Variants in MAD1L1 observed in about 807,000 individuals in gnomAD.
MAD1L1 encodes the protein mitotic arrest deficient 1 like 1.
MAD1L1 carries 95 observed loss-of-function variants against 96.9 expected under a neutral mutation model. The observed-to-expected ratio is 0.98, with a 90% CI of 0.83 to 1.16. The LOEUF (loss-of-function observed/expected upper bound fraction) is 1.16. Among genes scored for constraint, MAD1L1 ranks in the 50% most tolerant of loss-of-function variants. MAD1L1 has a pLI of 0.00. For missense variants in MAD1L1, 1,007 were observed against 954.4 expected, an observed-to-expected ratio of 1.06 and a Z score of -0.73; for synonymous variants, 473 against 396.6, an observed-to-expected ratio of 1.19 and a Z score of -2.29.
chr7:1,982,110 CCCA>C (rs1239226309), intron 14 of MAD1L1, among the ~76,000 whole-genome samples: 1 of 152,120 alleles, frequency 6.6e-6, no homozygotes, highest in East Asian at 1.9e-4. Flanking sequence ...TGTTCTTCCT[CCCA>C]CCACACTTCA....
At chr7:1,913,629 C>T (rs1788163055) in intron 17 of MAD1L1, among the ~76,000 whole-genome samples, 2 of 151,946 alleles carry the variant, frequency 1.3e-5, no homozygotes, top group East Asian at 1.9e-4. Flanking sequence ...GGGGAGCCCT[C>T]GGCTGACACC....
intron 10 of MAD1L1, among the ~76,000 whole-genome samples, chr7:2,208,920 C>A (rs1040922398): frequency 6.6e-6 from 1 of 152,144 alleles, no homozygotes; most frequent in Non-Finnish European, 1.5e-5. Context: ...TCCAGACACA[C>A]GCCTCGCACT....
At chr7:1,942,262 T>G (rs1166332945) in intron 16 of MAD1L1, among the ~76,000 whole-genome samples, 1 of 151,946 alleles carries the variant, frequency 6.6e-6, no homozygotes, top group African/African-American at 2.4e-5. Flanking sequence ...GAGGGGACAT[T>G]CCCGGCCCCT....
At chr7:2,132,475 G>A (rs903942293) in intron 11 of MAD1L1, among the ~76,000 whole-genome samples, 4 of 139,002 alleles carry the variant, frequency 2.9e-5, no homozygotes, top group African/African-American at 5.1e-5. Flanking sequence ...CCACTGCTGC[G>A]TGCGACTGCG....
rs144559750 is a variant in MAD1L1, at chr7:2,003,393, G to C, written c.1360-1272C>G. Among the ~76,000 whole-genome samples the C allele has an allele frequency of 2.7e-4, 41 of 152,198 alleles. No individual in the cohort carries two copies. The East Asian group carries it at 7.9e-3, about 29-fold the overall frequency. On this transcript the variant is annotated intron_variant, in intron 13 of 18. Coordinates refer to ENST00000265854, the MANE Select transcript of MAD1L1 (RefSeq NM_001013836.2). ...CTACAGCCCCTGGGGACACAGCCTG[G>C]GGAAAGTGGCTGAGGCAACAGCCCA...
intron 10 of MAD1L1, among the ~76,000 whole-genome samples, chr7:2,159,831 A>G (rs762415510): frequency 7.9e-5 from 12 of 152,230 alleles, no homozygotes; most frequent in Non-Finnish European, 1.2e-4. Flanking sequence ...GATCACCAAA[A>G]AGGCAGTGCT....
chr7:1,990,584 A>G (rs939003547), intron 14 of MAD1L1, among the ~76,000 whole-genome samples: 1 of 152,258 alleles, frequency 6.6e-6, no homozygotes, highest in Admixed American at 6.5e-5. Flanking sequence ...GCCGGAGGGC[A>G]TGTCCCGGCC....
intron 1 of MAD1L1, among the ~76,000 whole-genome samples, chr7:2,231,124 C>T (rs1246127728): frequency 6.6e-6 from 1 of 152,070 alleles, no homozygotes; most frequent in African/African-American, 2.4e-5. Flanking sequence ...CATGGCAAAA[C>T]CCCACCTCTA....
intron 12 of MAD1L1, among the ~76,000 whole-genome samples, chr7:2,042,168 CACAT>C (rs1355905406): frequency 6.6e-6 from 1 of 151,714 alleles, no homozygotes; most frequent in African/African-American, 2.4e-5. Flanking sequence ...CATATGTACA[CACAT>C]ACACATGCAC....
intron 10 of MAD1L1, among the ~76,000 whole-genome samples, chr7:2,187,097 A>C (rs578005112): frequency 6.1e-4 from 93 of 152,172 alleles, no homozygotes; most frequent in African/African-American, 2.1e-3. Context: ...CTGGCCATCA[A>C]AACTATTTTC....
At chr7:2,159,356 C>T (rs557207452) in intron 10 of MAD1L1, among the ~76,000 whole-genome samples, 1 of 152,344 alleles carries the variant, frequency 6.6e-6, no homozygotes, top group East Asian at 1.9e-4. Context: ...CCCTCTTCCA[C>T]AACACCGCAC....
intron 13 of MAD1L1, 25 bp downstream of exon 13, chr7:2,014,477 G>C (rs778418621): frequency 1.3e-6 from 2 of 1,535,100 alleles, no homozygotes; most frequent in Non-Finnish European, 1.8e-6. Context: ...CTGGCGACGT[G>C]AGCCCCACGC....
At chr7:1,920,074 A>G (rs1239209344) in intron 17 of MAD1L1, among the ~76,000 whole-genome samples, 1 of 152,064 alleles carries the variant, frequency 6.6e-6, no homozygotes, top group African/African-American at 2.4e-5. Context: ...GCGTTAGGAG[A>G]CAGCAACCCC....
intron 13 of MAD1L1, among the ~76,000 whole-genome samples, chr7:2,010,417 G>A (rs879564805): frequency 8.5e-5 from 13 of 152,164 alleles, no homozygotes; most frequent in Non-Finnish European, 1.9e-4. Context: ...GGCCAGCAGC[G>A]CAGTAATCGC....
chr7:1,946,827 A>G (rs1489250783), intron 16 of MAD1L1, among the ~76,000 whole-genome samples: 1 of 152,238 alleles, frequency 6.6e-6, no homozygotes, highest in Non-Finnish European at 1.5e-5. Context: ...GACAAGGCCC[A>G]GAGAGGGTGC....
chr7:2,000,546 C>A (rs1781746916), intron 14 of MAD1L1, among the ~76,000 whole-genome samples: 1 of 152,226 alleles, frequency 6.6e-6, no homozygotes, highest in Non-Finnish European at 1.5e-5. Context: ...ATTTCCACCA[C>A]CAACAGTCGG....
At chr7:1,893,315 G>A (rs1053796380) in intron 18 of MAD1L1, among the ~76,000 whole-genome samples, 20 of 151,794 alleles carry the variant, frequency 1.3e-4, no homozygotes, top group African/African-American at 2.7e-4. Context: ...GCAGAGTGGC[G>A]GGGGACTGTG....
chr7:2,084,169 G>C (rs985401522), intron 11 of MAD1L1, among the ~76,000 whole-genome samples: 1 of 152,238 alleles, frequency 6.6e-6, no homozygotes, highest in East Asian at 1.9e-4. Context: ...GGAAGACTTG[G>C]GTCAAAATAA....
intron 11 of MAD1L1, among the ~76,000 whole-genome samples, chr7:2,076,758 G>A (rs1041500799): frequency 6.6e-6 from 1 of 151,958 alleles, no homozygotes; most frequent in African/African-American, 2.4e-5. Context: ...GCAACATGGT[G>A]AGCCCAAGAC....
Sources: allele counts gnomAD v4.1 joint callset (sites outside exome capture counted in the v4.1 genomes callset), GRCh38; gene constraint gnomAD v4.1.1; transcripts MANE v1.5; gene names NCBI Gene and HGNC (gene_info 2026-07-23, HGNC 2026-07-21).